KHDRBS2: variants seen among roughly 807,000 people sequenced by gnomAD.
KHDRBS2 encodes KH domain-containing, RNA-binding, signal transduction-associated protein 2.
Under a neutral mutation model 44.3 loss-of-function variants are expected in KHDRBS2, and 26 were observed. That is an observed-to-expected ratio of 0.59 (90% CI 0.43 to 0.81). The LOEUF (loss-of-function observed/expected upper bound fraction) is 0.81. KHDRBS2 is among the 40% of genes least tolerant of loss of function. KHDRBS2 has a pLI of 0.00. For missense variants in KHDRBS2, 476 were observed against 433.1 expected, an observed-to-expected ratio of 1.10 and a Z score of -0.88; for synonymous variants, 194 against 151.1, an observed-to-expected ratio of 1.28 and a Z score of -2.08.
At chr6:62,101,157 T>C (rs1801801610) in intron 2 of KHDRBS2, among the ~76,000 whole-genome samples, 1 of 152,152 alleles carries the variant, frequency 6.6e-6, no homozygotes, top group African/African-American at 2.4e-5. Flanking sequence ...ACACGCAAGG[T>C]ATGAAAATCT....
At chr6:61,577,235 G>T in the KHDRBS2 span, among the ~76,000 whole-genome samples, 1 of 151,894 alleles carries the variant, frequency 6.6e-6, no homozygotes, top group Non-Finnish European at 1.5e-5. Context: ...GTAGAGCCAG[G>T]ATCACTACTC....
the KHDRBS2 span, among the ~76,000 whole-genome samples, chr6:61,647,869 CAG>C: frequency 5.3e-4 from 80 of 152,080 alleles, no homozygotes; most frequent in African/African-American, 1.8e-3. Context: ...GTAGAGGTCA[CAG>C]ACTTCACAAT....
At chr6:61,597,759 CATATATAT>C in the KHDRBS2 span, among the ~76,000 whole-genome samples, 53 of 50,082 alleles carry the variant, frequency 1.1e-3, 1 homozygote, top group Non-Finnish European at 1.7e-3. Context: ...TATATATATA[CATATATAT>C]ATATATACAC....
At chr6:61,744,228 C>T (rs1307176980) in intron 6 of KHDRBS2, among the ~76,000 whole-genome samples, 1 of 152,086 alleles carries the variant, frequency 6.6e-6, no homozygotes, top group Non-Finnish European at 1.5e-5. Context: ...GACTCTATTA[C>T]ACACCATAAA....
chr6:62,203,363 C>T (rs1827362187), intron 1 of KHDRBS2, among the ~76,000 whole-genome samples: 2 of 151,964 alleles, frequency 1.3e-5, no homozygotes, highest in South Asian at 4.2e-4. Flanking sequence ...ATGGTTTGGA[C>T]TAGGGTGGTA....
rs116236738 is a variant in KHDRBS2 at position 62,188,652 on chromosome 6, C to T, written c.92-11340G>A. 5.9e-3 allele frequency among the ~76,000 whole-genome samples: 904 copies of T among 152,138 alleles called. 5 individuals are homozygous for T. Among genetic ancestry groups the T allele is most frequent in the Non-Finnish European group, 8.3e-3 (563 of 68,004 alleles). ...AGAGTTTTCAAGGAAAATGAAACAA[C>T]GTGCAAGACATCTCAGGCTGGAAAG... On this transcript the variant is annotated intron_variant, in intron 1 of 8. Coordinates refer to ENST00000281156, the MANE Select transcript of KHDRBS2 (RefSeq NM_152688.4).
chr6:62,271,295 C>G (rs952238081), intron 1 of KHDRBS2, among the ~76,000 whole-genome samples: 1 of 152,088 alleles, frequency 6.6e-6, no homozygotes, highest in African/African-American at 2.4e-5. Flanking sequence ...GTTTAGCCAT[C>G]CTAATATCTA....
intron 2 of KHDRBS2, among the ~76,000 whole-genome samples, chr6:62,117,165 G>C (rs374919422): frequency 1.1e-4 from 16 of 151,892 alleles, no homozygotes; most frequent in African/African-American, 3.6e-4. Flanking sequence ...TTTTTTTGAG[G>C]ATCCTCCACT....
At chr6:61,946,199 T>G (rs189318305) in intron 4 of KHDRBS2, among the ~76,000 whole-genome samples, 7 of 152,318 alleles carry the variant, frequency 4.6e-5, no homozygotes, top group Admixed American at 3.3e-4. Flanking sequence ...ATAAACATAT[T>G]TGTGTACTAC....
intron 6 of KHDRBS2, among the ~76,000 whole-genome samples, chr6:61,765,169 A>G (rs1779827658): frequency 6.6e-6 from 1 of 152,126 alleles, no homozygotes; most frequent in Non-Finnish European, 1.5e-5. Context: ...CAGGCATGGT[A>G]GCATTTCTAT....
intron 7 of KHDRBS2, among the ~76,000 whole-genome samples, chr6:61,699,247 C>G (rs1477819741): frequency 6.6e-6 from 1 of 151,800 alleles, no homozygotes; most frequent in Non-Finnish European, 1.5e-5. Context: ...AAAACCACGT[C>G]ACAATTTAAA....
At chr6:62,044,445 C>G (rs1466364341) in intron 3 of KHDRBS2, among the ~76,000 whole-genome samples, 2 of 151,466 alleles carry the variant, frequency 1.3e-5, no homozygotes, top group East Asian at 3.9e-4. Flanking sequence ...GTGATTGCAC[C>G]ACAATAGTAC....
intron 8 of KHDRBS2, among the ~76,000 whole-genome samples, chr6:61,693,267 C>T (rs976157095): frequency 6.6e-6 from 1 of 152,084 alleles, no homozygotes; most frequent in Admixed American, 6.6e-5. Flanking sequence ...TTATTATAAG[C>T]AACTTATCAC....
intron 6 of KHDRBS2, among the ~76,000 whole-genome samples, chr6:61,861,566 G>T (rs538730034): frequency 3.6e-4 from 55 of 150,862 alleles, no homozygotes; most frequent in African/African-American, 1.1e-3. Flanking sequence ...CTGTTCCATT[G>T]GTCTATGTGT....
chr6:61,806,554 T>G (rs1355636274), intron 6 of KHDRBS2, among the ~76,000 whole-genome samples: 11 of 152,192 alleles, frequency 7.2e-5, no homozygotes, highest in Non-Finnish European at 1.3e-4. Context: ...AGGAGATAAG[T>G]GGACTTCATT....
chr6:62,058,447 C>T (rs995818711), intron 2 of KHDRBS2, among the ~76,000 whole-genome samples: 1 of 151,860 alleles, frequency 6.6e-6, no homozygotes, highest in East Asian at 1.9e-4. Flanking sequence ...ATTCACACAG[C>T]GACTGTTCTG....
At chr6:61,595,838 A>G in the KHDRBS2 span, among the ~76,000 whole-genome samples, 1 of 151,724 alleles carries the variant, frequency 6.6e-6, no homozygotes, top group African/African-American at 2.4e-5. Context: ...TGACTCAGAC[A>G]TTTTATGATT....
At chr6:61,631,344 A>AG in the KHDRBS2 span, among the ~76,000 whole-genome samples, 2 of 139,674 alleles carry the variant, frequency 1.4e-5, no homozygotes, top group African/African-American at 5.3e-5. Flanking sequence ...AAAAGACAAT[A>AG]CAGTGTGTTA....
At chr6:61,551,725 T>A in the KHDRBS2 span, among the ~76,000 whole-genome samples, 3 of 152,256 alleles carry the variant, frequency 2.0e-5, no homozygotes, top group East Asian at 5.8e-4. Context: ...AGTCTATGTG[T>A]TTGCTTTTGT....
Sources: gnomAD v4.1 joint callset for allele counts (sites outside exome capture counted in the v4.1 genomes callset) on GRCh38, gnomAD v4.1.1 for gene constraint, MANE v1.5 for transcripts, NCBI Gene and HGNC (gene_info 2026-07-23, HGNC 2026-07-21) for gene names.